The following CWC27 variants were observed in gnomAD, a reference collection of about 807,000 sequenced individuals.
CWC27 encodes CWC27 spliceosome associated cyclophilin, also known as spliceosome-associated protein CWC27 homolog.
In CWC27, 47 loss-of-function variants were observed where a neutral mutation model predicts 63.6. The ratio of observed to expected loss-of-function variants is 0.74; its 90% confidence interval spans 0.58 to 0.94. CWC27 has a LOEUF of 0.94. Ranked by LOEUF, CWC27 falls within the 40% of genes least tolerant of loss-of-function variation. The pLI is 0.00. For missense variants in CWC27, 495 were observed against 554.3 expected, an observed-to-expected ratio of 0.89 and a Z score of 1.07; for synonymous variants, 175 against 179.8, an observed-to-expected ratio of 0.97 and a Z score of 0.22.
chr5:64,823,022 A>G (rs1427174352), intron 10 of CWC27, among the ~76,000 whole-genome samples: 1 of 152,230 alleles, frequency 6.6e-6, no homozygotes, highest in Non-Finnish European at 1.5e-5. Context: ...ACTGTGATCT[A>G]TGAATATTTA....
chr5:64,823,265 T>C (rs1417970917), intron 10 of CWC27, among the ~76,000 whole-genome samples: 1 of 152,226 alleles, frequency 6.6e-6, no homozygotes, highest in East Asian at 1.9e-4. Flanking sequence ...TCCAGTTCTG[T>C]CATTTAACAA....
At chr5:64,780,053 G>A (rs986543978) in intron 2 of CWC27, among the ~76,000 whole-genome samples, 5 of 152,050 alleles carry the variant, frequency 3.3e-5, no homozygotes, top group Non-Finnish European at 5.9e-5. Context: ...TGTGAGAATG[G>A]ACTAATATAC....
intron 13 of CWC27, among the ~76,000 whole-genome samples, chr5:65,009,185 CT>C (rs1435202642): frequency 6.6e-6 from 1 of 152,044 alleles, no homozygotes; most frequent in Non-Finnish European, 1.5e-5. Flanking sequence ...GTGCCAGGTT[CT>C]TTTTAACAAC....
At chr5:64,888,777 G>A (rs1369323688) in intron 11 of CWC27, among the ~76,000 whole-genome samples, 1 of 151,928 alleles carries the variant, frequency 6.6e-6, no homozygotes, top group Non-Finnish European at 1.5e-5. Flanking sequence ...ACCAATAGAT[G>A]CTAAAGTTAG....
chr5:64,927,301 A>G (rs775549303), intron 11 of CWC27, among the ~76,000 whole-genome samples: 118 of 152,240 alleles, frequency 7.8e-4, no homozygotes, highest in Admixed American at 2.0e-3. Flanking sequence ...TCAAAGCTGA[A>G]TAAATTCCAC....
chr5:64,833,813 A>G (rs532124888), intron 10 of CWC27, among the ~76,000 whole-genome samples: 1 of 151,800 alleles, frequency 6.6e-6, no homozygotes, highest in South Asian at 2.1e-4. Context: ...AGTTAGACCC[A>G]TCATTTATTC....
At chr5:64,938,226 T>C (rs1748400385) in intron 11 of CWC27, among the ~76,000 whole-genome samples, 1 of 152,180 alleles carries the variant, frequency 6.6e-6, no homozygotes, top group Non-Finnish European at 1.5e-5. Flanking sequence ...TTGGCATGTT[T>C]TTGCAGTGGC....
chr5:64,868,071 G>A (rs1469336177), intron 10 of CWC27, among the ~76,000 whole-genome samples: 2 of 151,970 alleles, frequency 1.3e-5, no homozygotes, highest in Non-Finnish European at 2.9e-5. Flanking sequence ...TAAAATCAGA[G>A]TGGAGTATCA....
At chr5:64,836,287 C>T (rs1312350097) in intron 10 of CWC27, among the ~76,000 whole-genome samples, 2 of 151,850 alleles carry the variant, frequency 1.3e-5, no homozygotes, top group Non-Finnish European at 2.9e-5. Flanking sequence ...ATTTGTGGCT[C>T]TAGAAGACAA....
intron 1 of CWC27, among the ~76,000 whole-genome samples, chr5:64,772,932 G>A (rs1241188728): frequency 1.3e-5 from 2 of 149,112 alleles, no homozygotes; most frequent in Non-Finnish European, 3.0e-5. Flanking sequence ...GTGAGACTCT[G>A]TCTCAAAAAA....
chr5:64,911,792 C>T (rs967068301), intron 11 of CWC27, among the ~76,000 whole-genome samples: 5 of 151,940 alleles, frequency 3.3e-5, no homozygotes, highest in East Asian at 1.9e-4. Flanking sequence ...GTAGACAGAC[C>T]GGCTGGGCAC....
intron 11 of CWC27, among the ~76,000 whole-genome samples, chr5:64,948,781 G>A (rs771403381): frequency 6.6e-6 from 1 of 151,988 alleles, no homozygotes; most frequent in African/African-American, 2.4e-5. Context: ...GACATTCAGA[G>A]TAGTGAGAAC....
intron 11 of CWC27, among the ~76,000 whole-genome samples, chr5:64,951,282 G>T (rs1274257413): frequency 6.6e-6 from 1 of 151,724 alleles, no homozygotes; most frequent in African/African-American, 2.4e-5. Flanking sequence ...ATGTATAATG[G>T]TATTTCAATG....
intron 10 of CWC27, chr5:64,844,885 T>C (rs1470191116): frequency 2.2e-6 from 1 of 456,694 alleles, no homozygotes; most frequent in Non-Finnish European, 4.4e-6. Flanking sequence ...ATTGTGCATT[T>C]CTAAGGGGTA....
chr5:64,901,317 C>A (rs926294045), intron 11 of CWC27, among the ~76,000 whole-genome samples: 18 of 151,930 alleles, frequency 1.2e-4, no homozygotes, highest in African/African-American at 4.3e-4. Context: ...AAAAATTAGC[C>A]GGGTGTGGTG....
intron 11 of CWC27, among the ~76,000 whole-genome samples, chr5:64,912,334 C>T (rs1747807374): frequency 6.6e-6 from 1 of 151,920 alleles, no homozygotes; most frequent in African/African-American, 2.4e-5. Context: ...ATTAGTTGAC[C>T]AAAACCCAGC....
At chr5:64,986,766 C>T (rs1749441826) in intron 13 of CWC27, among the ~76,000 whole-genome samples, 1 of 151,882 alleles carries the variant, frequency 6.6e-6, no homozygotes, top group Non-Finnish European at 1.5e-5. Context: ...TTAAAATTAC[C>T]ACTTAAGCAT....
intron 11 of CWC27, among the ~76,000 whole-genome samples, chr5:64,917,251 GTAGGCC>G (rs1472551635): frequency 6.6e-6 from 1 of 152,080 alleles, no homozygotes; most frequent in African/African-American, 2.4e-5. Flanking sequence ...TCCATCTTCG[GTAGGCC>G]TCTGCATACA....
intron 10 of CWC27, among the ~76,000 whole-genome samples, chr5:64,859,433 C>G (rs1415995319): frequency 6.6e-6 from 1 of 151,998 alleles, no homozygotes; most frequent in East Asian, 1.9e-4. Context: ...TAAATTATAT[C>G]TCAAAGGAAA....
Sources: gnomAD v4.1 joint callset for allele counts (sites outside exome capture counted in the v4.1 genomes callset) on GRCh38, gnomAD v4.1.1 for gene constraint, MANE v1.5 for transcripts, NCBI Gene and HGNC (gene_info 2026-07-23, HGNC 2026-07-21) for gene names.